The following CNTN5 variants were observed in gnomAD, a reference collection of about 807,000 sequenced individuals.
CNTN5 encodes contactin 5.
CNTN5 carries 77 observed loss-of-function variants against 129.1 expected under a neutral mutation model. That is an observed-to-expected ratio of 0.60 (90% CI 0.50 to 0.72). The LOEUF (loss-of-function observed/expected upper bound fraction) is 0.72. Ranked by LOEUF, CNTN5 falls within the 30% of genes least tolerant of loss-of-function variation. The pLI is 0.00. For missense variants in CNTN5, 1,478 were observed against 1,328.8 expected, an observed-to-expected ratio of 1.11 and a Z score of -1.75; for synonymous variants, 509 against 465.6, an observed-to-expected ratio of 1.09 and a Z score of -1.20.
Position 99,953,589 on chromosome 11 carries a change from T to A in CNTN5, c.674-3217T>A, listed in dbSNP as rs550674578. 6.6e-5 allele frequency among the ~76,000 whole-genome samples: 10 copies of A among 152,318 alleles called. No homozygotes were observed. The South Asian group carries it at 1.2e-3, about 19-fold the overall frequency. ...GATCTTGGAAGCAAGGTACATTTTT[T>A]ATATGTTACAGAAGTAGACCCTAAA... On this transcript the variant is annotated intron_variant, in intron 7 of 24. Coordinates refer to ENST00000524871, the MANE Select transcript of CNTN5 (RefSeq NM_014361.4).
intron 3 of CNTN5, among the ~76,000 whole-genome samples, chr11:99,641,489 A>G (rs1435859552): frequency 6.6e-6 from 1 of 152,184 alleles, no homozygotes; most frequent in Non-Finnish European, 1.5e-5. Context: ...AGGGATTTAA[A>G]GGAGGAGACG....
chr11:99,035,388 T>C (rs1275617642), intron 1 of CNTN5, among the ~76,000 whole-genome samples: 2 of 152,166 alleles, frequency 1.3e-5, no homozygotes, highest in Non-Finnish European at 2.9e-5. Context: ...TCTCCCACTG[T>C]TAATGCGTGG....
At chr11:99,195,579 A>T (rs1010951854) in intron 1 of CNTN5, among the ~76,000 whole-genome samples, 8 of 152,034 alleles carry the variant, frequency 5.3e-5, no homozygotes, top group African/African-American at 1.9e-4. Context: ...AAGGGTTGAA[A>T]TTCTGTTTTT....
At chr11:100,047,266 T>G (rs1023057570) in intron 9 of CNTN5, among the ~76,000 whole-genome samples, 5 of 152,048 alleles carry the variant, frequency 3.3e-5, no homozygotes, top group African/African-American at 1.2e-4. Context: ...AACACCATGG[T>G]TCACTCAGTA....
At chr11:99,832,786 T>G (rs1366693404) in intron 4 of CNTN5, among the ~76,000 whole-genome samples, 1 of 152,144 alleles carries the variant, frequency 6.6e-6, no homozygotes, top group Non-Finnish European at 1.5e-5. Context: ...TCTTAAAATT[T>G]TATTGGGCAT....
At chr11:99,446,312 C>A (rs536708050) in intron 2 of CNTN5, among the ~76,000 whole-genome samples, 1 of 152,112 alleles carries the variant, frequency 6.6e-6, no homozygotes, top group African/African-American at 2.4e-5. Flanking sequence ...AAGATCTCAA[C>A]TTTGGAGAAT....
rs79593391 is a variant in CNTN5 at position 100,121,614 on chromosome 11, A to T, written c.1580+47320A>T. ...ATCTGTTGATCTCTAAAGGACTTTA[A>T]TTTAAAATATTCATTATACCAGGGA... On this transcript the variant is annotated intron_variant, in intron 13 of 24. Transcript: ENST00000524871. Among the ~76,000 whole-genome samples the T allele has an allele frequency of 5.9e-4, 90 of 152,110 alleles. 3 individuals are homozygous for T. In the East Asian group the frequency reaches 0.017, roughly 29 times the overall value.
chr11:99,546,195 T>G (rs1269376630), intron 2 of CNTN5, among the ~76,000 whole-genome samples: 1 of 152,196 alleles, frequency 6.6e-6, no homozygotes, highest in African/African-American at 2.4e-5. Context: ...AATGGAAGCT[T>G]GATAAGATCT....
intron 3 of CNTN5, among the ~76,000 whole-genome samples, chr11:99,709,716 G>A (rs1218004440): frequency 6.6e-6 from 1 of 151,724 alleles, no homozygotes; most frequent in East Asian, 1.9e-4. Context: ...AATTTTAATA[G>A]AAGTTTGAAA....
chr11:99,784,155 A>G (rs1344554985), intron 3 of CNTN5, among the ~76,000 whole-genome samples: 1 of 152,026 alleles, frequency 6.6e-6, no homozygotes, highest in African/African-American at 2.4e-5. Context: ...TTTTACTATT[A>G]TTATTATACT....
At chr11:100,157,848 A>G (rs201356036) in intron 13 of CNTN5, among the ~76,000 whole-genome samples, 3 of 95,348 alleles carry the variant, frequency 3.1e-5, no homozygotes, top group South Asian at 5.1e-4. Flanking sequence ...ATATAGATAA[A>G]TAAAAAAAGC....
intron 3 of CNTN5, among the ~76,000 whole-genome samples, chr11:99,635,556 G>T (rs1348662480): frequency 6.6e-6 from 1 of 151,944 alleles, no homozygotes; most frequent in Non-Finnish European, 1.5e-5. Flanking sequence ...CAATTCCTGA[G>T]TCGAGGAAGG....
At chr11:99,272,211 C>G (rs1279386437) in intron 1 of CNTN5, among the ~76,000 whole-genome samples, 1 of 151,748 alleles carries the variant, frequency 6.6e-6, no homozygotes, top group Admixed American at 6.6e-5. Flanking sequence ...GCAGGTTGGT[C>G]CAAGAATGTA....
At chr11:99,351,865 T>A (rs987836056) in intron 2 of CNTN5, among the ~76,000 whole-genome samples, 1 of 152,212 alleles carries the variant, frequency 6.6e-6, no homozygotes, top group Non-Finnish European at 1.5e-5. Context: ...TGAAGCATAG[T>A]TGAGTTTGAA....
At chr11:99,158,848 TA>T (rs1331963871) in intron 1 of CNTN5, among the ~76,000 whole-genome samples, 1 of 152,096 alleles carries the variant, frequency 6.6e-6, no homozygotes, top group East Asian at 1.9e-4. Flanking sequence ...ATAAAAATAA[TA>T]AAAGTAAATA....
At chr11:99,826,455 A>G (rs1946961706) in intron 4 of CNTN5, among the ~76,000 whole-genome samples, 1 of 152,138 alleles carries the variant, frequency 6.6e-6, no homozygotes, top group South Asian at 2.1e-4. Flanking sequence ...TACACACAAA[A>G]GGCATCCAAC....
At chr11:100,154,866 G>T (rs1049805911) in intron 13 of CNTN5, among the ~76,000 whole-genome samples, 13 of 150,870 alleles carry the variant, frequency 8.6e-5, no homozygotes, top group South Asian at 2.1e-4. Flanking sequence ...TTTTTGATGG[G>T]TTTTTTTTCT....
At chr11:100,145,942 T>C (rs1946839200) in intron 13 of CNTN5, among the ~76,000 whole-genome samples, 1 of 152,198 alleles carries the variant, frequency 6.6e-6, no homozygotes, top group Non-Finnish European at 1.5e-5. Context: ...CATTAAATTA[T>C]TCACCAGTAT....
chr11:99,313,154 T>C (rs1435974836), intron 1 of CNTN5, among the ~76,000 whole-genome samples: 1 of 151,854 alleles, frequency 6.6e-6, no homozygotes, highest in Non-Finnish European at 1.5e-5. Context: ...TAGGATAATA[T>C]ATTCAATGAA....
Sources: gnomAD v4.1 joint callset for allele counts (sites outside exome capture counted in the v4.1 genomes callset) on GRCh38, gnomAD v4.1.1 for gene constraint, MANE v1.5 for transcripts, NCBI Gene and HGNC (gene_info 2026-07-23, HGNC 2026-07-21) for gene names.